PTPRQ: variants seen among roughly 807,000 people sequenced by gnomAD.
PTPRQ encodes protein tyrosine phosphatase receptor type Q.
PTPRQ carries 199 observed loss-of-function variants against 246.0 expected under a neutral mutation model. The observed-to-expected ratio is 0.81, with a 90% confidence interval of 0.72 to 0.91. The LOEUF (loss-of-function observed/expected upper bound fraction) is 0.91. Ranked by LOEUF, PTPRQ falls within the 40% of genes least tolerant of loss-of-function variation. The probability of loss-of-function intolerance (pLI) is 0.00; values close to 1 mark genes in which losing one functional copy is unlikely to be tolerated. For synonymous variants in PTPRQ, 869 were observed against 853.2 expected (o/e 1.02, Z -0.32); for missense variants, 2,624 against 2,528.4 (o/e 1.04, Z -0.81).
intron 7 of PTPRQ, among the ~76,000 whole-genome samples, chr12:80,471,856 G>A (rs1893648346): frequency 2.6e-5 from 4 of 151,902 alleles, no homozygotes; most frequent in Admixed American, 2.6e-4. Flanking sequence ...ATTCAAAAAG[G>A]CTTTATGATT....
At chr12:80,669,192 A>T in intron 40 of PTPRQ, 51 bp downstream of exon 40, 2 of 1,534,420 alleles carry the variant, frequency 1.3e-6, no homozygotes, top group Non-Finnish European at 1.8e-6. Flanking sequence ...TTGTGTTAAC[A>T]TATGTGTGAA....
intron 39 of PTPRQ, among the ~76,000 whole-genome samples, chr12:80,658,528 C>T (rs1254056798): frequency 6.6e-6 from 1 of 152,034 alleles, no homozygotes; most frequent in Admixed American, 6.6e-5. Context: ...CACTCAAGAT[C>T]TCCACTTGGT....
chr12:80,668,851 G>A (rs1001366112), intron 39 of PTPRQ, among the ~76,000 whole-genome samples, 156 bp from the exon 40 acceptor site: 5 of 151,458 alleles, frequency 3.3e-5, no homozygotes, highest in African/African-American at 4.8e-5. Context: ...AAATTTAGAC[G>A]TTGGAAATTT....
In PTPRQ at chr12:80,445,643, C is replaced by G. The variant is rs1308213457; in HGVS notation, c.316C>G (p.Gln106Glu). Residue 106 changes from glutamine to glutamate, a missense_variant, in exon 3 of 45, where the codon CAA becomes GAA. Gln to Glu is a conservative substitution (Grantham distance 29, BLOSUM62 2). Coordinates refer to ENST00000644991, the MANE Select transcript of PTPRQ (RefSeq NM_001145026.2). ...TCCGTGGATGCAAACAGTATATACA[C>G]AAGTCAGATCAAAGCCAGACAGTCT... is the stretch of plus-strand genomic sequence containing the variant. ...VCPWMQTVYT[Q>E]VRSKPDSLEV... 1 of 1,549,944 alleles carries G rather than the reference C, an allele frequency of 6.5e-7. No homozygotes were observed. Among genetic ancestry groups the G allele is most frequent in the South Asian group, 1.2e-5 (1 of 84,010 alleles).
chr12:80,678,482 G>A (rs1328256605), intron 43 of PTPRQ, 120 bp from the exon 44 acceptor site: 13 of 1,215,580 alleles, frequency 1.1e-5, no homozygotes, highest in Non-Finnish European at 1.2e-5. Flanking sequence ...TAAATTCTGT[G>A]TCTGTAACTT....
At chr12:80,454,539 T>G in intron 3 of PTPRQ, 1 of 702,592 alleles carries the variant, frequency 1.4e-6, no homozygotes, top group Non-Finnish European at 2.6e-6. Flanking sequence ...CATCCTACTT[T>G]TGTTGCATTT....
At chr12:80,550,835 A>C (rs1353116444) in intron 25 of PTPRQ, among the ~76,000 whole-genome samples, 1 of 152,074 alleles carries the variant, frequency 6.6e-6, no homozygotes, top group Non-Finnish European at 1.5e-5. Flanking sequence ...AATACTCTCT[A>C]TTCCATATGA....
At chr12:80,592,354 G>T (rs1296982869) in intron 26 of PTPRQ, among the ~76,000 whole-genome samples, 1 of 152,032 alleles carries the variant, frequency 6.6e-6, no homozygotes, top group Non-Finnish European at 1.5e-5. Context: ...CAATGGAATA[G>T]AAGACATTTT....
intron 35 of PTPRQ, 66 bp from the exon 36 acceptor site, chr12:80,648,831 T>A: frequency 6.9e-7 from 1 of 1,440,940 alleles, no homozygotes; most frequent in East Asian, 2.8e-5. Flanking sequence ...GACTTTAATC[T>A]ACACTTCTTT....
rs990699341 is a variant in PTPRQ at position 80,613,618 on chromosome 12, A to G, written c.4945A>G (p.Thr1649Ala). The G allele has an allele frequency of 1.3e-6, 2 of 1,544,422 alleles. No individual in the cohort carries two copies. The highest frequency in any genetic ancestry group is 2.0e-5 in the Admixed American group (1 of 50,648). ...SAPKDPPNNMTFQKIPDEVTK... is the reference protein window; with the variant it reads ...SAPKDPPNNMAFQKIPDEVTK... The stretch of plus-strand genomic sequence containing the variant: ...CCCAAAGGACCCACCTAACAACATG[A>G]CATTTCAGAAGATACCAGATGAAGT... The change falls in exon 29 of 45, where the codon ACA becomes GCA. Residue 1649 changes from threonine (T) to alanine (A), a missense_variant. Transcript: ENST00000644991.
chr12:80,533,093 T>C (rs779259056), intron 17 of PTPRQ, among the ~76,000 whole-genome samples: 14 of 152,184 alleles, frequency 9.2e-5, no homozygotes, highest in Non-Finnish European at 1.8e-4. Context: ...CATATACTTT[T>C]TCAGTGTTAC....
At chr12:80,521,537 G>T (rs1199506839) in intron 17 of PTPRQ, among the ~76,000 whole-genome samples, 1 of 152,110 alleles carries the variant, frequency 6.6e-6, no homozygotes, top group Non-Finnish European at 1.5e-5. Context: ...ATTAATTTTT[G>T]TGTAAGTTGT....
intron 6 of PTPRQ, among the ~76,000 whole-genome samples, chr12:80,464,164 A>G (rs1893314735): frequency 6.6e-6 from 1 of 150,478 alleles, no homozygotes; most frequent in Non-Finnish European, 1.5e-5. Context: ...AAATAAAAGG[A>G]TGGAGGAAGA....
intron 6 of PTPRQ, chr12:80,461,989 C>G (rs553633301): frequency 7.2e-5 from 49 of 677,332 alleles, no homozygotes; most frequent in South Asian, 1.4e-4. Context: ...GTTCGTCTCA[C>G]TAGGGAGTGC....
At chr12:80,544,922 T>C (rs1896259568) in intron 23 of PTPRQ, among the ~76,000 whole-genome samples, 1 of 152,152 alleles carries the variant, frequency 6.6e-6, no homozygotes, top group Non-Finnish European at 1.5e-5. Flanking sequence ...ATAGGTGACT[T>C]AGGTCACTCA....
In PTPRQ at chr12:80,465,718, T is replaced by G. The variant is rs578061040; in HGVS notation, c.911-2992T>G. On this transcript the variant is annotated intron_variant, in intron 6 of 44. Coordinates refer to ENST00000644991, the MANE Select transcript of PTPRQ (RefSeq NM_001145026.2). ...GGTTCAATATACACAAATCAATAAA[T>G]GTAATCCAGCATATAAACAGAACCA... 4.6e-5 allele frequency among the ~76,000 whole-genome samples: 7 copies of G among 152,086 alleles called. No individual in the cohort carries two copies. In the East Asian group the frequency reaches 1.4e-3, roughly 29 times the overall value.
At chr12:80,617,437 G>T (rs2121121910) in intron 30 of PTPRQ, among the ~76,000 whole-genome samples, 1 of 151,498 alleles carries the variant, frequency 6.6e-6, no homozygotes, top group East Asian at 1.9e-4. Context: ...AAGTACAAAT[G>T]CATAAGGTCT....
chr12:80,605,026 T>G, intron 26 of PTPRQ, 33 bp from the exon 27 acceptor site: 1 of 1,521,758 alleles, frequency 6.6e-7, no homozygotes, highest in Non-Finnish European at 8.8e-7. Context: ...CTAATTCTAA[T>G]GTAGCTAGAT....
intron 24 of PTPRQ, among the ~76,000 whole-genome samples, chr12:80,548,322 G>T (rs1896369869): frequency 6.6e-6 from 1 of 152,024 alleles, no homozygotes; most frequent in African/African-American, 2.4e-5. Flanking sequence ...TCAGCAAATT[G>T]TCAACTATCT....
Sources: gnomAD v4.1 joint callset for allele counts (sites outside exome capture counted in the v4.1 genomes callset) on GRCh38, gnomAD v4.1.1 for gene constraint, MANE v1.5 for transcripts, NCBI Gene and HGNC (gene_info 2026-07-23, HGNC 2026-07-21) for gene names.